The following MALRD1 variants were observed in gnomAD, a reference collection of about 807,000 sequenced individuals.
The protein encoded by MALRD1 is MAM and LDL receptor class A domain containing 1.
Under a neutral mutation model 242.1 loss-of-function variants are expected in MALRD1, and 247 were observed. The ratio of observed to expected loss-of-function variants is 1.02; its 90% confidence interval spans 0.92 to 1.13. MALRD1 has a LOEUF of 1.13. Ranked by LOEUF, MALRD1 falls within the 50% of genes most tolerant of loss-of-function variation. The probability of loss-of-function intolerance (pLI) is 0.00; values close to 1 mark genes in which losing one functional copy is unlikely to be tolerated. For missense variants in MALRD1, 2,989 were observed against 2,533.1 expected (o/e 1.18, Z -3.86); for synonymous variants, 995 against 866.6 (o/e 1.15, Z -2.60).
At chr10:19,271,065 T>A (rs1016177653) in intron 19 of MALRD1, among the ~76,000 whole-genome samples, 2 of 152,184 alleles carry the variant, frequency 1.3e-5, no homozygotes, top group Admixed American at 1.3e-4. Flanking sequence ...CTTTGAAAAC[T>A]GGTTTGGCAT....
Position 19,457,082 on chromosome 10 carries a change from A to G in MALRD1, c.5029+6592A>G, listed in dbSNP as rs527523972. Among the ~76,000 whole-genome samples the G allele has an allele frequency of 7.2e-5, 11 of 152,348 alleles. No individual in the cohort carries two copies. In the East Asian group the frequency reaches 1.9e-3, roughly 27 times the overall value. On this transcript the variant is annotated intron_variant, in intron 29 of 39. Transcript: ENST00000454679. Reference sequence around the variant, plus strand: ...ATGTTTGATATGATTGCCATCACTCATCAACACCATCATATTTAATTGAAT... The same window carrying G: ...ATGTTTGATATGATTGCCATCACTCGTCAACACCATCATATTTAATTGAAT...
At chr10:19,653,036 T>G (rs1840968061) in intron 36 of MALRD1, among the ~76,000 whole-genome samples, 1 of 152,170 alleles carries the variant, frequency 6.6e-6, no homozygotes, top group Non-Finnish European at 1.5e-5. Context: ...AACCTTCTAA[T>G]GTATCTGCCT....
In MALRD1 at chr10:19,327,712, C is replaced by T. The variant is rs1217606329; in HGVS notation, c.3687+39C>T. 7 of 1,450,134 alleles carry T rather than the reference C, an allele frequency of 4.8e-6. No individual in the cohort carries two copies. The South Asian group carries it at 7.4e-5, about 15-fold the overall frequency. 89.8% of individuals were successfully genotyped at this position (1,450,134 alleles called of 1,614,324 possible). ...GTAGTTATGGGGTGAGTGAGTTCTG[C>T]TGATTTTTTTCATCCTCATTTATTT... On this transcript the variant is annotated intron_variant, in intron 23 of 39. Coordinates refer to ENST00000454679, the MANE Select transcript of MALRD1 (RefSeq NM_001142308.3).
intron 14 of MALRD1, among the ~76,000 whole-genome samples, chr10:19,200,939 G>T (rs1340587578): frequency 6.6e-6 from 1 of 151,850 alleles, no homozygotes; most frequent in African/African-American, 2.4e-5. Context: ...GTGTCAATGG[G>T]CATCCTGTTA....
chr10:19,509,349 T>G (rs1449147943), intron 31 of MALRD1, among the ~76,000 whole-genome samples: 1 of 152,192 alleles, frequency 6.6e-6, no homozygotes, highest in East Asian at 1.9e-4. Context: ...TATGGTGTGA[T>G]GAGTTGGCTG....
chr10:19,457,998 G>GACCC (rs1354471664), intron 29 of MALRD1, among the ~76,000 whole-genome samples: 1 of 151,984 alleles, frequency 6.6e-6, no homozygotes, highest in Non-Finnish European at 1.5e-5. Context: ...ACTTGAACCA[G>GACCC]ACCCAGGTCA....
chr10:19,653,981 ATTAAACTCTTTG>A, intron 36 of MALRD1, among the ~76,000 whole-genome samples: 1 of 152,208 alleles, frequency 6.6e-6, no homozygotes, highest in Non-Finnish European at 1.5e-5. Flanking sequence ...TAACTTTTTA[ATTAAACTCTTTG>A]TTAACAATGA....
intron 28 of MALRD1, among the ~76,000 whole-genome samples, chr10:19,424,909 T>A (rs1833849211): frequency 6.7e-6 from 1 of 148,882 alleles, no homozygotes; most frequent in Admixed American, 6.7e-5. Flanking sequence ...TAAAACTGAA[T>A]GTCAAAAGAA....
At chr10:19,085,911 C>A (rs1835653889) in intron 2 of MALRD1, among the ~76,000 whole-genome samples, 1 of 151,718 alleles carries the variant, frequency 6.6e-6, no homozygotes, top group Non-Finnish European at 1.5e-5. Flanking sequence ...AATGCTATTA[C>A]CATTTGTATT....
rs1424516079 is a variant in MALRD1, at chr10:19,331,588, TA to T, written c.3901+10del. ...TGAGACTACTTTCATTTGCCGTAAG[TA>T]AAAGGGTTCTGTTTTCTTACTTTTG... On this transcript the variant is annotated splice_region_variant and intron_variant, in intron 24 of 39. Coordinates refer to ENST00000454679, the MANE Select transcript of MALRD1 (RefSeq NM_001142308.3). The T allele has an allele frequency of 6.6e-5, 102 of 1,548,106 alleles. No individual in the cohort carries two copies. The highest frequency in any genetic ancestry group is 8.7e-5 in the Non-Finnish European group (100 of 1,145,118).
intron 26 of MALRD1, among the ~76,000 whole-genome samples, chr10:19,374,244 A>T (rs1845507394): frequency 6.6e-6 from 1 of 152,218 alleles, no homozygotes. Context: ...TTTTCTTGTG[A>T]TACATAGAAC....
At chr10:19,215,052 T>A (rs1487259976) in intron 18 of MALRD1, among the ~76,000 whole-genome samples, 1 of 152,232 alleles carries the variant, frequency 6.6e-6, no homozygotes, top group Non-Finnish European at 1.5e-5. Context: ...ACCTTTGCTC[T>A]TGAGTGATCC....
At position 19,611,353 on chromosome 10, in the gene MALRD1, A is replaced by G. The variant is rs1838885528; in HGVS notation, c.6070+3451A>G. ...TAGTCTCTGCGTACATTAAGGGGGA[A>G]AAATGAAGGCTTACTTGCAAATTAT... On this transcript the variant is annotated intron_variant, in intron 35 of 39. Transcript: ENST00000454679. Among the ~76,000 whole-genome samples the G allele has an allele frequency of 2.0e-5, 3 of 152,120 alleles. No homozygotes were observed. In the South Asian group the frequency reaches 6.2e-4, roughly 32 times the overall value.
intron 35 of MALRD1, among the ~76,000 whole-genome samples, chr10:19,614,099 C>T (rs1839026193): frequency 6.6e-6 from 1 of 151,966 alleles, no homozygotes; most frequent in African/African-American, 2.4e-5. Flanking sequence ...TTAAAGTCAA[C>T]ATTTATTAAA....
intron 21 of MALRD1, among the ~76,000 whole-genome samples, chr10:19,296,308 C>G (rs928587365): frequency 6.6e-6 from 1 of 151,990 alleles, no homozygotes; most frequent in Non-Finnish European, 1.5e-5. Flanking sequence ...AATTACAGTC[C>G]TTTACATTCT....
chr10:19,146,018 C>T (rs1833714926), intron 10 of MALRD1, among the ~76,000 whole-genome samples, 180 bp from the exon 11 acceptor site: 1 of 152,140 alleles, frequency 6.6e-6, no homozygotes. Context: ...TCATGCCTCA[C>T]ACAGCACCTG....
chr10:19,243,424 A>G (rs1838889158), intron 18 of MALRD1, among the ~76,000 whole-genome samples: 1 of 152,118 alleles, frequency 6.6e-6, no homozygotes, highest in Non-Finnish European at 1.5e-5. Context: ...TCAGTTTGCT[A>G]ATGCCTAATT....
chr10:19,165,591 A>G (rs773749877), intron 12 of MALRD1, 46 bp from the exon 13 acceptor site: 22 of 1,204,296 alleles, frequency 1.8e-5, no homozygotes, highest in Non-Finnish European at 2.3e-5. Context: ...ACTACCAGAG[A>G]CAGGTCAATG....
intron 12 of MALRD1, among the ~76,000 whole-genome samples, chr10:19,163,257 T>G (rs1218927300): frequency 6.6e-6 from 1 of 150,420 alleles, no homozygotes; most frequent in Admixed American, 6.7e-5. Flanking sequence ...TCCACCTAGA[T>G]GCCCAGCAAT....
Sources: gnomAD v4.1 joint callset for allele counts (sites outside exome capture counted in the v4.1 genomes callset) on GRCh38, gnomAD v4.1.1 for gene constraint, MANE v1.5 for transcripts, NCBI Gene and HGNC (gene_info 2026-07-23, HGNC 2026-07-21) for gene names.